ANKRD13A: variants seen among roughly 807,000 people sequenced by gnomAD.
The protein encoded by ANKRD13A is ankyrin repeat domain 13A.
ANKRD13A carries 48 observed loss-of-function variants against 81.3 expected under a neutral mutation model. The observed-to-expected ratio is 0.59, with a 90% CI of 0.47 to 0.75. The LOEUF (loss-of-function observed/expected upper bound fraction) is 0.75. Ranked by LOEUF, ANKRD13A falls within the 30% of genes least tolerant of loss-of-function variation. The pLI, the probability that ANKRD13A is intolerant of heterozygous loss-of-function variation, is 0.00. For synonymous variants in ANKRD13A, 230 were observed against 270.1 expected (o/e 0.85, Z 1.45); for missense variants, 612 against 734.0 (o/e 0.83, Z 1.92).
At chr12:110,025,945 A>G in intron 8 of ANKRD13A, 122 bp downstream of exon 8, 1 of 744,386 alleles carries the variant, frequency 1.3e-6, no homozygotes, top group South Asian at 2.1e-5. Context: ...CCTAACCCTA[A>G]CTTCTTCTCT....
chr12:110,013,069 G>A (rs1890609960), intron 2 of ANKRD13A, 56 bp from the exon 3 acceptor site: 5 of 1,598,516 alleles, frequency 3.1e-6, no homozygotes, highest in Non-Finnish European at 1.7e-6. Context: ...TTTTCAGCCT[G>A]GTTTTGGAAT....
rs186933572 is a variant in ANKRD13A at position 110,012,779 on chromosome 12, C to T, written c.230-346C>T. Among the ~76,000 whole-genome samples, 12 of 152,302 alleles carry T rather than the reference C, an allele frequency of 7.9e-5. No homozygotes were observed. In the East Asian group the frequency reaches 2.3e-3, roughly 29 times the overall value. ...ATTTTGTGTTGACTGAGCAGGGATA[C>T]TGTAGGCCAAGCCCTGCCTGCCAGG... On this transcript the variant is annotated intron_variant, in intron 2 of 14. Transcript: ENST00000261739.
intron 7 of ANKRD13A, 78 bp from the exon 8 acceptor site, chr12:110,025,664 G>T: frequency 4.7e-6 from 5 of 1,055,538 alleles, no homozygotes; most frequent in East Asian, 2.6e-5. Flanking sequence ...TTTTGCTTCA[G>T]CATTCTTGCT....
intron 13 of ANKRD13A, among the ~76,000 whole-genome samples, chr12:110,034,918 G>C (rs1047054729): frequency 6.6e-6 from 1 of 152,220 alleles, no homozygotes; most frequent in African/African-American, 2.4e-5. Flanking sequence ...CCCTCACAGG[G>C]CTGCTGCTTT....
At chr12:110,001,644 C>T (rs1477299950) in intron 1 of ANKRD13A, among the ~76,000 whole-genome samples, 2 of 151,860 alleles carry the variant, frequency 1.3e-5, no homozygotes, top group Non-Finnish European at 2.9e-5. Flanking sequence ...TGGTTTCAAC[C>T]CCTGGCCTCA....
chr12:110,003,656 G>A (rs1890095893), intron 1 of ANKRD13A, among the ~76,000 whole-genome samples: 1 of 152,222 alleles, frequency 6.6e-6, no homozygotes, highest in African/African-American at 2.4e-5. Flanking sequence ...CCAAGGCACA[G>A]GGGAACTGAT....
At chr12:110,007,287 G>A (rs4418866) in intron 1 of ANKRD13A, among the ~76,000 whole-genome samples, 3,277 of 152,272 alleles carry the variant, frequency 0.022, 118 homozygotes, top group African/African-American at 0.074. Context: ...AGTTTGGAGA[G>A]TTTTGTCATT....
intron 1 of ANKRD13A, among the ~76,000 whole-genome samples, chr12:110,006,479 C>T (rs1403642429): frequency 1.3e-5 from 2 of 152,138 alleles, no homozygotes; most frequent in Non-Finnish European, 2.9e-5. Context: ...ATCTCAAATC[C>T]TTTGCCCATT....
At chr12:110,029,756 A>AT in intron 11 of ANKRD13A, 121 bp downstream of exon 11, 1 of 1,126,334 alleles carries the variant, frequency 8.9e-7, no homozygotes, top group Non-Finnish European at 1.3e-6. Context: ...GCTTATAGAC[A>AT]TAACAGAGGA....
intron 8 of ANKRD13A, among the ~76,000 whole-genome samples, chr12:110,026,874 T>A (rs935086084): frequency 1.4e-4 from 21 of 152,062 alleles, no homozygotes; most frequent in Admixed American, 6.6e-5. Flanking sequence ...AGAGCTAGAC[T>A]CTGTCTCAAA....
At position 110,037,406 on chromosome 12, in the gene ANKRD13A, G is replaced by C. The variant is rs771489251; in HGVS notation, c.1625G>C (p.Ser542Thr). Residue 542 changes from serine (S) to threonine (T), a missense_variant, in exon 15 of 15, where the codon AGC (serine) becomes ACC (threonine). Physicochemically the swap from Ser to Thr is moderately conservative, Grantham distance 58. Coordinates refer to ENST00000261739, the MANE Select transcript of ANKRD13A (RefSeq NM_033121.2). ...ACCAGCACAGAAGGCCTGTGCCCCA[G>C]CGCCCTGAGCGAGACAAGCCGTTTT... is the stretch of plus-strand genomic sequence containing the variant. ...LLTSTEGLCP[S>T]ALSETSRFDN... 4 of 1,614,112 alleles carry C rather than the reference G, an allele frequency of 2.5e-6. No individual in the cohort carries two copies. In the African/African-American group the frequency reaches 5.3e-5, roughly 22 times the overall value.
chr12:110,012,088 AC>A lies in ANKRD13A; in HGVS notation c.181del (p.Leu61SerfsTer7), dbSNP rs1326496703. ...LGHLESARVL[L>X]RHKADVTKEN... is the part of the protein sequence containing the mutation. ...GACATTTGGAATCTGCTCGAGTCTT[AC>A]TCCGACATAAAGCAGATGTGACAAA... On this transcript the variant is annotated frameshift_variant, in exon 2 of 15. Transcript: ENST00000261739. LOFTEE classifies it high-confidence loss of function. The A allele has an allele frequency of 6.2e-7, 1 of 1,613,234 alleles. No homozygotes were observed. The highest frequency in any genetic ancestry group is 2.2e-5 in the East Asian group (1 of 44,880).
At chr12:110,005,644 T>C (rs1890202937) in intron 1 of ANKRD13A, among the ~76,000 whole-genome samples, 1 of 152,248 alleles carries the variant, frequency 6.6e-6, no homozygotes, top group Non-Finnish European at 1.5e-5. Flanking sequence ...CGTTGTGGCA[T>C]GTTTCAGGTG....
intron 1 of ANKRD13A, among the ~76,000 whole-genome samples, chr12:110,004,724 T>TA (rs1890154190): frequency 6.6e-6 from 1 of 152,216 alleles, no homozygotes; most frequent in African/African-American, 2.4e-5. Context: ...CTAATAACTG[T>TA]AATGCAATTT....
intron 1 of ANKRD13A, among the ~76,000 whole-genome samples, chr12:110,000,122 G>C (rs908641950): frequency 6.6e-6 from 1 of 152,196 alleles, no homozygotes; most frequent in East Asian, 1.9e-4. Context: ...AACTCGGGCC[G>C]GCTGGCTCCG....
chr12:110,013,750 C>T (rs1593206393), intron 3 of ANKRD13A, among the ~76,000 whole-genome samples: 2 of 151,736 alleles, frequency 1.3e-5, no homozygotes, highest in Admixed American at 1.3e-4. Flanking sequence ...TGATCGCACC[C>T]CTGCACTCCA....
rs1891491223 is a variant in ANKRD13A, at chr12:110,028,662, C to T, written c.1076+20C>T. 1.9e-6 allele frequency: 3 copies of T among 1,613,744 alleles called. No individual in the cohort carries two copies. Among genetic ancestry groups the T allele is most frequent in the African/African-American group, 2.7e-5 (2 of 74,922 alleles). On this transcript the variant is annotated intron_variant, in intron 10 of 14. Transcript: ENST00000261739. ...ACAGAAGTAAGAGAGGTTCAGCTGC[C>T]ATTTTCAACCTATGTATGTTTCAGA... is the stretch of plus-strand genomic sequence containing the variant.
chr12:110,036,280 C>T lies in ANKRD13A; in HGVS notation c.1529C>T (p.Ser510Leu), dbSNP rs756011134. 2.6e-5 allele frequency: 42 copies of T among 1,613,878 alleles called. No homozygotes were observed. In the African/African-American group the frequency reaches 3.7e-4, roughly 14 times the overall value. ...TGCCAGGAACTTTCAGGACCAGCTTCGAATGGAGGGATCAGCCAGACAAAC... is the reference window on the plus strand; with the variant it reads ...TGCCAGGAACTTTCAGGACCAGCTTTGAATGGAGGGATCAGCCAGACAAAC... ...SRSQELSGPASNGGISQTNTY... is the reference protein window; with the variant it reads ...SRSQELSGPALNGGISQTNTY... The change falls in exon 14 of 15, where the codon TCG (serine) becomes TTG (leucine). Residue 510 changes from serine (S) to leucine (L), a missense_variant. Transcript: ENST00000261739. This position sits in a 1 kb window ranked among gnomAD's most constrained non-coding sequence, Gnocchi z 4.6.
At position 109,999,694 on chromosome 12, in the gene ANKRD13A, C is replaced by T. The variant is rs1442536667; in HGVS notation, c.6C>T (p.Ser2=). 1 of 1,536,070 alleles carries T rather than the reference C, an allele frequency of 6.5e-7. No individual in the cohort carries two copies. The highest frequency in any genetic ancestry group is 2.0e-5 in the Admixed American group (1 of 49,650). The change falls in exon 1 of 15, where the codon TCC becomes TCT. Residue 2 remains serine, a synonymous_variant. Transcript: ENST00000261739. This position sits in a 1 kb window ranked among gnomAD's most constrained non-coding sequence, Gnocchi z 4.3. M[S]SACDAGDHYP... ...CAGGTTACGGCCTCCTCGCCATGTCCTCGGCCTGCGACGCGGGCGACCACT... is the reference window on the plus strand; with the variant it reads ...CAGGTTACGGCCTCCTCGCCATGTCTTCGGCCTGCGACGCGGGCGACCACT...
Sources: gnomAD v4.1 joint callset for allele counts (sites outside exome capture counted in the v4.1 genomes callset) on GRCh38, gnomAD v4.1.1 for gene constraint, Gnocchi (gnomAD v3.1) non-coding constraint, MANE v1.5 for transcripts, NCBI Gene and HGNC (gene_info 2026-07-23, HGNC 2026-07-21) for gene names.